The following VPS37A variants were observed in gnomAD, a reference collection of about 807,000 sequenced individuals.
VPS37A encodes vacuolar protein sorting-associated protein 37A.
In VPS37A, 30 loss-of-function variants were observed where a neutral mutation model predicts 49.8. The observed-to-expected ratio is 0.60, with a 90% CI of 0.45 to 0.82. The LOEUF (loss-of-function observed/expected upper bound fraction) is 0.82, where lower values mean the gene tolerates loss of function less well. VPS37A is among the 40% of genes least tolerant of loss of function. The pLI, the probability that VPS37A is intolerant of heterozygous loss-of-function variation, is 0.00. For synonymous variants in VPS37A, 195 were observed against 160.6 expected (o/e 1.21, Z -1.62); for missense variants, 593 against 464.4 (o/e 1.28, Z -2.55).
chr8:17,325,730 G>A, the VPS37A span, among the ~76,000 whole-genome samples: 33 of 152,200 alleles, frequency 2.2e-4, 1 homozygote, highest in East Asian at 3.9e-3. Context: ...ATGAACGTGC[G>A]CTGATTGCAC....
At chr8:17,272,433 A>G (rs1814081725) in intron 4 of VPS37A, among the ~76,000 whole-genome samples, 2 of 152,228 alleles carry the variant, frequency 1.3e-5, no homozygotes, top group African/African-American at 4.8e-5. Context: ...CTGTAGTAAT[A>G]GGGCTGGATA....
chr8:17,289,909 G>C (rs193027322), intron 11 of VPS37A, among the ~76,000 whole-genome samples: 383 of 152,242 alleles, frequency 2.5e-3, no homozygotes, highest in Non-Finnish European at 3.9e-3. Flanking sequence ...TCCTTGAAGA[G>C]GTCCTTCATA....
chr8:17,267,468 TG>T (rs1813578546), intron 2 of VPS37A, among the ~76,000 whole-genome samples: 1 of 486 alleles, frequency 2.1e-3, no homozygotes, highest in Non-Finnish European at 2.8e-3. Context: ...AATTTCTGCT[TG>T]TGTGTGTGTG....
chr8:17,279,468 C>A (rs1473426155), intron 6 of VPS37A, among the ~76,000 whole-genome samples: 1 of 152,064 alleles, frequency 6.6e-6, no homozygotes, highest in Non-Finnish European at 1.5e-5. Context: ...TACTATAGTA[C>A]TAGTGTGTTC....
chr8:17,297,703 G>GTTTGA lies in VPS37A; in HGVS notation c.*2720_*2724dup, dbSNP rs1554502549. 6.6e-6 allele frequency: 1 copy of GTTTGA among 151,914 alleles called. No individual in the cohort carries two copies. Among genetic ancestry groups the GTTTGA allele is most frequent in the East Asian group, 1.9e-4 (1 of 5,182 alleles). The allele number at this position is 151,914 out of a possible 1,614,324, so 9.4% of individuals were successfully genotyped here. ...CTCAATAAAACACTTCCTGATTAATGTTTGATTATTAGATATTTTAGTCTT... is the reference window on the plus strand; with the variant it reads ...CTCAATAAAACACTTCCTGATTAATGTTTGATTTGATTATTAGATATTTTAGTCTT... On this transcript the variant is annotated 3_prime_UTR_variant, in exon 12 of 12. Transcript: ENST00000324849.
the VPS37A span, among the ~76,000 whole-genome samples, chr8:17,313,997 G>C: frequency 6.6e-6 from 1 of 152,210 alleles, no homozygotes; most frequent in African/African-American, 2.4e-5. Context: ...CATCAGGGTA[G>C]AGGCTTTCCC....
chr8:17,321,502 T>C, the VPS37A span, among the ~76,000 whole-genome samples: 1 of 152,242 alleles, frequency 6.6e-6, no homozygotes, highest in Admixed American at 6.5e-5. Flanking sequence ...CCCTGTGTGC[T>C]GAGTGGCAGT....
intron 11 of VPS37A, among the ~76,000 whole-genome samples, chr8:17,290,725 G>A (rs1364041887): frequency 6.6e-6 from 1 of 152,056 alleles, no homozygotes; most frequent in Non-Finnish European, 1.5e-5. Flanking sequence ...CTCTTTTTCT[G>A]TTGTTTGGAA....
the VPS37A span, among the ~76,000 whole-genome samples, chr8:17,314,582 G>A: frequency 1.3e-5 from 2 of 152,096 alleles, no homozygotes; most frequent in African/African-American, 4.8e-5. Flanking sequence ...CAGATAAGAG[G>A]ATTCACTGTG....
intron 1 of VPS37A, among the ~76,000 whole-genome samples, chr8:17,259,982 T>A (rs1812822587): frequency 6.6e-6 from 1 of 152,146 alleles, no homozygotes. Context: ...GTGGGTTTCT[T>A]GTAGGCAACA....
chr8:17,303,413 T>C (rs1324606730), downstream of VPS37A, among the ~76,000 whole-genome samples: 1 of 152,160 alleles, frequency 6.6e-6, no homozygotes, highest in Non-Finnish European at 1.5e-5. Context: ...CAAGTCTGTG[T>C]CGGGAGTGAG....
chr8:17,261,906 G>T (rs116740782), intron 1 of VPS37A, among the ~76,000 whole-genome samples: 3 of 152,112 alleles, frequency 2.0e-5, no homozygotes, highest in Non-Finnish European at 4.4e-5. Flanking sequence ...TGGTAGTCTT[G>T]CCTCTCCCCT....
chr8:17,268,412 G>C, intron 3 of VPS37A, 40 bp downstream of exon 3: 2 of 1,332,934 alleles, frequency 1.5e-6, no homozygotes, highest in South Asian at 1.3e-5. Flanking sequence ...TAATATAATA[G>C]GTGTATTACT....
chr8:17,293,606 G>C (rs1002542075), intron 11 of VPS37A, among the ~76,000 whole-genome samples: 1 of 152,164 alleles, frequency 6.6e-6, no homozygotes, highest in Non-Finnish European at 1.5e-5. Context: ...ATCTACCTTT[G>C]TTCTTTGTTG....
chr8:17,284,337 C>T, intron 9 of VPS37A, 136 bp from the exon 10 acceptor site: 1 of 993,016 alleles, frequency 1.0e-6, no homozygotes, highest in African/African-American at 1.7e-5. Flanking sequence ...CATTATAAGA[C>T]AGCAGATTTT....
chr8:17,265,925 A>G lies in VPS37A; in HGVS notation c.144A>G (p.Lys48=). 4 of 1,613,550 alleles carry G rather than the reference A, an allele frequency of 2.5e-6. No individual in the cohort carries two copies. Among genetic ancestry groups the G allele is most frequent in the Admixed American group, 1.7e-5 (1 of 60,004 alleles). The change falls in exon 2 of 12, where the codon AAA becomes AAG. Residue 48 remains lysine, a synonymous_variant. Transcript: ENST00000324849. ...NSHSSIAEIQ[K]DVEYRLPFTI... ...CCTGCAGTATAGCCGAAATACAGAA[A>G]GATGTGGAATACAGATTGCCATTCA...
At chr8:17,258,093 G>C (rs193273168) in intron 1 of VPS37A, among the ~76,000 whole-genome samples, 6 of 152,080 alleles carry the variant, frequency 3.9e-5, no homozygotes, top group African/African-American at 7.2e-5. Context: ...TGTCATCCGC[G>C]AACAAGGCTA....
At chr8:17,277,782 T>G (rs1814654694) in intron 6 of VPS37A, among the ~76,000 whole-genome samples, 1 of 151,774 alleles carries the variant, frequency 6.6e-6, no homozygotes, top group African/African-American at 2.4e-5. Context: ...CAAAACGAGT[T>G]CCACCTATTG....
At chr8:17,286,751 C>T in intron 11 of VPS37A, 1 of 191,432 alleles carries the variant, frequency 5.2e-6, no homozygotes. Context: ...TAACATTTCT[C>T]AGAAGGCTCC....
Sources: allele counts gnomAD v4.1 joint callset (sites outside exome capture counted in the v4.1 genomes callset), GRCh38; gene constraint gnomAD v4.1.1; transcripts MANE v1.5; gene names NCBI Gene and HGNC (gene_info 2026-07-23, HGNC 2026-07-21).